Variants in MOB3B observed in about 807,000 individuals in gnomAD.
MOB3B encodes the protein MOB kinase activator-like 2B.
MOB3B carries 7 observed loss-of-function variants against 18.7 expected under a neutral mutation model. The ratio of observed to expected loss-of-function variants is 0.37; its 90% CI spans 0.21 to 0.70. The LOEUF (loss-of-function observed/expected upper bound fraction) is 0.70, where lower values mean the gene tolerates loss of function less well. Ranked by LOEUF, MOB3B falls within the 30% of genes least tolerant of loss-of-function variation. MOB3B has a pLI of 0.52. For missense variants in MOB3B, 253 were observed against 281.3 expected (o/e 0.90, Z 0.72); for synonymous variants, 111 against 99.9 (o/e 1.11, Z -0.66).
At chr9:27,333,715 TC>T (rs1411840390) in intron 3 of MOB3B, among the ~76,000 whole-genome samples, 5 of 152,226 alleles carry the variant, frequency 3.3e-5, no homozygotes, top group African/African-American at 1.2e-4. Context: ...CAAAGTAGAA[TC>T]TTGGTTGTGG....
At position 27,357,121 on chromosome 9, in the gene MOB3B, A is replaced by AATATATATATAT. The variant is rs56064443; in HGVS notation, c.621+1901_621+1912dup. On this transcript the variant is annotated intron_variant, in intron 3 of 3. Transcript: ENST00000262244. Reference sequence around the variant, plus strand: ...TGTTCCAGGACTACTGAGTAATGCAAATATATATATATATATATATATATG... The same window carrying AATATATATATAT: ...TGTTCCAGGACTACTGAGTAATGCAAATATATATATATATATATATATATATATATATATATG... Among the ~76,000 whole-genome samples the AATATATATATAT allele has an allele frequency of 3.2e-3, 200 of 62,898 alleles. 9 individuals are homozygous for AATATATATATAT. The highest frequency in any genetic ancestry group is 8.9e-3 in the African/African-American group (182 of 20,550). 41.3% of individuals were successfully genotyped at this position (62,898 alleles called of 152,430 possible).
At chr9:27,502,742 G>T (rs1463267589) in intron 1 of MOB3B, among the ~76,000 whole-genome samples, 1 of 152,238 alleles carries the variant, frequency 6.6e-6, no homozygotes, top group Non-Finnish European at 1.5e-5. Flanking sequence ...CTTTTGTCAT[G>T]TGGCCTCCAA....
chr9:27,382,736 A>ATC (rs1491009838), intron 2 of MOB3B, among the ~76,000 whole-genome samples: 13 of 142,260 alleles, frequency 9.1e-5, no homozygotes, highest in Admixed American at 2.1e-4. Flanking sequence ...ATATATATAT[A>ATC]TCCATCCAGG....
intron 2 of MOB3B, among the ~76,000 whole-genome samples, chr9:27,388,542 G>A (rs1372518396): frequency 6.6e-6 from 1 of 151,934 alleles, no homozygotes. Flanking sequence ...AGTGATTTCT[G>A]AGATTTTGGT....
chr9:27,359,385 G>GC (rs1464965766), intron 2 of MOB3B, 149 bp from the exon 3 acceptor site: 2 of 635,694 alleles, frequency 3.1e-6, no homozygotes, highest in Non-Finnish European at 5.4e-6. Context: ...GTGTGGGGGG[G>GC]GGGGGTTGGT....
At chr9:27,446,324 G>A (rs879278345) in intron 2 of MOB3B, among the ~76,000 whole-genome samples, 4 of 151,916 alleles carry the variant, frequency 2.6e-5, no homozygotes, top group East Asian at 1.9e-4. Context: ...ACTTTATACC[G>A]AATGTTATGC....
chr9:27,494,123 TAGGAAG>T (rs1227404512), intron 1 of MOB3B, among the ~76,000 whole-genome samples: 1 of 152,180 alleles, frequency 6.6e-6, no homozygotes, highest in Non-Finnish European at 1.5e-5. Flanking sequence ...CCAGGCTTAT[TAGGAAG>T]AGGAAATTCC....
intron 2 of MOB3B, among the ~76,000 whole-genome samples, chr9:27,423,039 T>C (rs1822278850): frequency 6.6e-6 from 1 of 152,182 alleles, no homozygotes; most frequent in Non-Finnish European, 1.5e-5. Flanking sequence ...GAGGCTTTAC[T>C]TATGGGTCCA....
chr9:27,402,510 C>T (rs1262156930), intron 2 of MOB3B, among the ~76,000 whole-genome samples: 5 of 152,088 alleles, frequency 3.3e-5, no homozygotes, highest in Non-Finnish European at 7.3e-5. Context: ...TATCTCATTG[C>T]CTGGTGTACA....
chr9:27,522,268 A>AAT (rs1563889766), intron 1 of MOB3B, among the ~76,000 whole-genome samples: 5 of 130,818 alleles, frequency 3.8e-5, no homozygotes, highest in African/African-American at 5.7e-5. Context: ...AAAAAAAAAG[A>AAT]AAAGAAAGAA....
chr9:27,498,934 G>C (rs1819944626), intron 1 of MOB3B, among the ~76,000 whole-genome samples: 1 of 152,108 alleles, frequency 6.6e-6, no homozygotes, highest in Admixed American at 6.5e-5. Flanking sequence ...ATAGGCCTGT[G>C]GACCTCTGAT....
chr9:27,487,534 G>T (rs534533476), intron 1 of MOB3B, among the ~76,000 whole-genome samples: 2 of 152,012 alleles, frequency 1.3e-5, no homozygotes, highest in Non-Finnish European at 2.9e-5. Flanking sequence ...ATGAGACCTG[G>T]GGGGCCAGGG....
rs1380150875 is a variant in MOB3B, at chr9:27,455,225, G to A, written c.326C>T (p.Pro109Leu). 1.2e-6 allele frequency: 2 copies of A among 1,614,138 alleles called. No homozygotes were observed. The highest frequency in any genetic ancestry group is 1.7e-6 in the Non-Finnish European group (2 of 1,180,028). The stretch of plus-strand genomic sequence containing the variant: ...GTACTGGGGAGCTGGCAGCGCTGTT[G>A]GCTTCTTATACTTGAGATCATCCTG... ...RWQDDLKYKK[P>L]TALPAPQYMN... Residue 109 changes from proline to leucine, a missense_variant, in exon 2 of 4, where the codon CCA becomes CTA. Transcript: ENST00000262244.
At chr9:27,373,980 G>A (rs769248204) in intron 2 of MOB3B, among the ~76,000 whole-genome samples, 12 of 152,202 alleles carry the variant, frequency 7.9e-5, no homozygotes, top group Non-Finnish European at 1.2e-4. Context: ...CACAGTAGCT[G>A]AACCACAGAC....
chr9:27,483,963 T>C (rs1819699594), intron 1 of MOB3B, among the ~76,000 whole-genome samples: 1 of 152,118 alleles, frequency 6.6e-6, no homozygotes, highest in Non-Finnish European at 1.5e-5. Context: ...TTGTAGGGGA[T>C]AAGGGTTTGA....
chr9:27,377,877 C>A (rs41272867), intron 2 of MOB3B, among the ~76,000 whole-genome samples: 113 of 152,312 alleles, frequency 7.4e-4, no homozygotes, highest in Non-Finnish European at 1.4e-3. Flanking sequence ...TTCATTTGAA[C>A]CCTAGGTCCC....
rs74513455 is a variant in MOB3B, at chr9:27,498,309, C to T, written c.-199+31246G>A. Among the ~76,000 whole-genome samples, 53 of 152,292 alleles carry T rather than the reference C, an allele frequency of 3.5e-4. 2 individuals are homozygous for T. In the East Asian group the frequency reaches 9.8e-3, roughly 28 times the overall value. ...TCACAGCGTTTTCCAAGCTACTCCCCAACCTACTGTGAGGTACAAGGGTGA... is the reference window on the plus strand; with the variant it reads ...TCACAGCGTTTTCCAAGCTACTCCCTAACCTACTGTGAGGTACAAGGGTGA... On this transcript the variant is annotated intron_variant, in intron 1 of 3. Transcript: ENST00000262244.
chr9:27,356,294 GA>G (rs964820407), intron 3 of MOB3B, among the ~76,000 whole-genome samples: 1 of 152,048 alleles, frequency 6.6e-6, no homozygotes, highest in South Asian at 2.1e-4. Context: ...AACTTCTGGG[GA>G]AAAAAACCTG....
chr9:27,338,836 A>T (rs963414285), intron 3 of MOB3B, among the ~76,000 whole-genome samples: 1 of 152,168 alleles, frequency 6.6e-6, no homozygotes, highest in Non-Finnish European at 1.5e-5. Context: ...CTTTTCCCAA[A>T]TGCCTTGGCA....
Sources: allele counts gnomAD v4.1 joint callset (sites outside exome capture counted in the v4.1 genomes callset), GRCh38; gene constraint gnomAD v4.1.1; transcripts MANE v1.5; gene names NCBI Gene and HGNC (gene_info 2026-07-23, HGNC 2026-07-21).